Variants in FADS2 observed in about 807,000 individuals in gnomAD.
The protein encoded by FADS2 is fatty acid desaturase 2.
FADS2 carries 18 observed loss-of-function variants against 61.2 expected under a neutral mutation model. That is an observed-to-expected ratio of 0.29 (90% CI 0.20 to 0.44). The LOEUF (loss-of-function observed/expected upper bound fraction) is 0.44, where lower values mean the gene tolerates loss of function less well. FADS2 is among the 20% of genes least tolerant of loss of function. The pLI is 1.00. For synonymous variants in FADS2, 203 were observed against 223.9 expected (o/e 0.91, Z 0.83); for missense variants, 322 against 572.7 (o/e 0.56, Z 4.47).
intron 1 of FADS2, among the ~76,000 whole-genome samples, chr11:61,830,859 G>A (rs570685056): frequency 2.6e-5 from 4 of 152,302 alleles, no homozygotes; most frequent in East Asian, 3.9e-4. Flanking sequence ...TCAGGCAAAC[G>A]GGAATAAGAA....
intron 1 of FADS2, among the ~76,000 whole-genome samples, chr11:61,834,400 C>G (rs2845574): frequency 6.6e-6 from 1 of 152,184 alleles, no homozygotes; most frequent in Non-Finnish European, 1.5e-5. Flanking sequence ...TGCATCTTCA[C>G]CTCAGAAGTT....
chr11:61,853,290 C>CCCTTCCTT (rs59872671), intron 5 of FADS2, among the ~76,000 whole-genome samples: 15,672 of 81,564 alleles, frequency 0.19, 1,909 homozygotes, highest in Non-Finnish European at 0.24. Context: ...CTCCCTCCCT[C>CCCTTCCTT]CCTTCCTTCC....
intron 1 of FADS2, among the ~76,000 whole-genome samples, chr11:61,835,485 C>T (rs1212850833): frequency 6.6e-6 from 1 of 151,668 alleles, no homozygotes; most frequent in East Asian, 1.9e-4. Context: ...CCTTCCACCT[C>T]CCTGGCTAAA....
Position 61,844,008 on chromosome 11 carries a change from A to G in FADS2, c.618+3283A>G, listed in dbSNP as rs958057087. On this transcript the variant is annotated intron_variant, in intron 4 of 11. Transcript: ENST00000278840. ...CAAAATTAATGCAAAAAAATCCACA[A>G]TGAACAAAATATCAAAATTTTAAAT... 4.6e-5 allele frequency among the ~76,000 whole-genome samples: 7 copies of G among 152,314 alleles called. No individual in the cohort carries two copies. In the East Asian group the frequency reaches 9.6e-4, roughly 21 times the overall value.
At chr11:61,820,471 T>C (rs920230874) in intron 1 of FADS2, among the ~76,000 whole-genome samples, 6 of 152,184 alleles carry the variant, frequency 3.9e-5, no homozygotes, top group African/African-American at 1.4e-4. Flanking sequence ...TTTCATGTGT[T>C]CTTAGGTCAG....
Position 61,865,402 on chromosome 11 carries a change from C to A in FADS2, c.1283+125C>A. On this transcript the variant is annotated intron_variant, in intron 11 of 11. Coordinates refer to ENST00000278840, the MANE Select transcript of FADS2 (RefSeq NM_004265.4). The surrounding 1 kb of genome is among the most constrained non-coding windows in gnomAD (Gnocchi z 4.1). ...CCAGGGCACCTGCCTTACTCCCGAG[C>A]CTGTGTTAGGAGCTGTTGGGCTTTT... 7.9e-7 allele frequency: 1 copy of A among 1,262,842 alleles called. No homozygotes were observed. The highest frequency in any genetic ancestry group is 1.4e-5 in the South Asian group (1 of 69,050). The allele number at this position is 1,262,842 out of a possible 1,614,324, so 78.2% of individuals were successfully genotyped here.
intron 1 of FADS2, among the ~76,000 whole-genome samples, chr11:61,835,028 C>T (rs1247568388): frequency 3.2e-5 from 1 of 31,176 alleles, no homozygotes; most frequent in East Asian, 8.7e-4. Context: ...GGGCCTCCTC[C>T]CTGCCTCCCC....
intron 5 of FADS2, among the ~76,000 whole-genome samples, chr11:61,852,930 G>A (rs1255269508): frequency 3.3e-5 from 5 of 152,026 alleles, no homozygotes; most frequent in Non-Finnish European, 5.9e-5. Context: ...CGAGGCTGGC[G>A]GATCACGAGG....
At chr11:61,824,395 AG>A (rs1440965100), upstream of FADS2, among the ~76,000 whole-genome samples, 6 of 2,362 alleles carry the variant, frequency 2.5e-3, no homozygotes, top group Non-Finnish European at 3.5e-3. Flanking sequence ...GGAAAAAAAA[AG>A]AGAGAGAGAG....
At chr11:61,854,755 T>C (rs174600) in intron 5 of FADS2, 50,193 of 152,150 alleles carry the variant, frequency 0.33, 8,989 homozygotes, top group East Asian at 0.56. Flanking sequence ...GAGGGGAGTA[T>C]TGGCCATCCC....
chr11:61,821,493 T>TA, intron 1 of FADS2: 1 of 695,680 alleles, frequency 1.4e-6, no homozygotes, highest in Middle Eastern at 2.3e-4. Context: ...TGATCCATTT[T>TA]AACAAAAGAT....
chr11:61,827,958 C>T, upstream of FADS2: 3 of 836,260 alleles, frequency 3.6e-6, no homozygotes, highest in Non-Finnish European at 4.4e-6. The surrounding 1 kb of genome is among the most constrained non-coding windows in gnomAD (Gnocchi z 4.5). Context: ...GCAGGCGGGG[C>T]GACGCGACCG....
intron 4 of FADS2, chr11:61,846,825 T>C (rs546721478): frequency 6.6e-6 from 1 of 152,306 alleles, no homozygotes; most frequent in Non-Finnish European, 1.5e-5. Flanking sequence ...AAGTTCTTCT[T>C]GTTCATGTTA....
In FADS2 at chr11:61,865,463, T is replaced by C. The variant is rs2135982731; in HGVS notation, c.1284-175T>C. The C allele has an allele frequency of 1.0e-6, 1 of 957,908 alleles. No homozygotes were observed. The highest frequency in any genetic ancestry group is 2.6e-5 in the East Asian group (1 of 37,848). 59.3% of individuals were successfully genotyped at this position (957,908 alleles called of 1,614,324 possible). ...TGCGAGAAGACCATCCCTTTCTGTG[T>C]GGGGTTCCTGGTGGGCTCTGAGCTG... On this transcript the variant is annotated intron_variant, in intron 11 of 11. Transcript: ENST00000278840. This position sits in a 1 kb window ranked among gnomAD's most constrained non-coding sequence, Gnocchi z 4.1.
intron 5 of FADS2, 29 bp from the exon 6 acceptor site, chr11:61,856,978 ACTGG>A: frequency 6.3e-7 from 1 of 1,587,258 alleles, no homozygotes; most frequent in Non-Finnish European, 8.7e-7. Flanking sequence ...AGCTGAGGCT[ACTGG>A]GTGCTCATGA....
chr11:61,822,836 G>T (rs1477403015), intron 1 of FADS2, among the ~76,000 whole-genome samples: 1 of 151,996 alleles, frequency 6.6e-6, no homozygotes, highest in East Asian at 1.9e-4. Context: ...TTTCCCTATT[G>T]TTGGACATTT....
chr11:61,842,395 G>A (rs1325513089), intron 4 of FADS2, among the ~76,000 whole-genome samples: 1 of 152,224 alleles, frequency 6.6e-6, no homozygotes, highest in Admixed American at 6.5e-5. Flanking sequence ...TCCTCAGTAT[G>A]GCAAAGTAAC....
Position 61,866,346 on chromosome 11 carries a change from C to G in FADS2, c.*657C>G, listed in dbSNP as rs2067470441. 4.7e-6 allele frequency: 1 copy of G among 213,990 alleles called. No homozygotes were observed. Among genetic ancestry groups the G allele is most frequent in the African/African-American group, 2.3e-5 (1 of 44,056 alleles). 13.3% of individuals were successfully genotyped at this position (213,990 alleles called of 1,614,324 possible). ...TTGGGCCCTGGAAGAGTCCTCCACC[C>G]CATCACTAGAGTGCTCTGACCCTGG... On this transcript the variant is annotated 3_prime_UTR_variant, in exon 12 of 12. Transcript: ENST00000278840.
intron 4 of FADS2, among the ~76,000 whole-genome samples, chr11:61,845,080 G>A (rs1334426576): frequency 8.8e-6 from 1 of 113,474 alleles, no homozygotes; most frequent in African/African-American, 3.4e-5. Context: ...CTCTGATATG[G>A]CGCCACCCAG....
Sources: allele counts gnomAD v4.1 joint callset (sites outside exome capture counted in the v4.1 genomes callset), GRCh38; gene constraint gnomAD v4.1.1; non-coding constraint Gnocchi (gnomAD v3.1); transcripts MANE v1.5; gene names NCBI Gene and HGNC (gene_info 2026-07-23, HGNC 2026-07-21).